CUL5: variants seen among roughly 807,000 people sequenced by gnomAD.
CUL5 encodes the protein cullin 5, also known as cullin-5.
In CUL5, 26 loss-of-function variants were observed where a neutral mutation model predicts 108.8. The ratio of observed to expected loss-of-function variants is 0.24; its 90% CI spans 0.18 to 0.33. The LOEUF (loss-of-function observed/expected upper bound fraction) is 0.33, where lower values mean the gene tolerates loss of function less well. Among genes scored for constraint, CUL5 ranks in the 10% least tolerant of loss-of-function variants. The pLI is 1.00. For missense variants in CUL5, 524 were observed against 909.2 expected, an observed-to-expected ratio of 0.58 and a Z score of 5.45; for synonymous variants, 334 against 298.0, an observed-to-expected ratio of 1.12 and a Z score of -1.25.
intron 11 of CUL5, among the ~76,000 whole-genome samples, chr11:108,087,418 A>C (rs1231248204): frequency 1.3e-5 from 2 of 152,322 alleles, no homozygotes; most frequent in East Asian, 1.9e-4. Flanking sequence ...GAAATTTCAA[A>C]ATCTTCAATT....
At chr11:108,058,245 CTT>C (rs771714382) in intron 7 of CUL5, among the ~76,000 whole-genome samples, 9 of 100,102 alleles carry the variant, frequency 9.0e-5, no homozygotes, top group Admixed American at 3.6e-4. Context: ...TGAAGAGTGC[CTT>C]TTTTTTTTTT....
At chr11:108,035,111 T>C (rs1020634119) in intron 2 of CUL5, among the ~76,000 whole-genome samples, 1 of 152,064 alleles carries the variant, frequency 6.6e-6, no homozygotes, top group African/African-American at 2.4e-5. Context: ...TGTTGCAAAC[T>C]GTAACCAATC....
intron 7 of CUL5, among the ~76,000 whole-genome samples, chr11:108,060,256 A>C (rs1863500666): frequency 6.6e-6 from 1 of 152,176 alleles, no homozygotes; most frequent in South Asian, 2.1e-4. Context: ...TAGTGCCACT[A>C]ATGATAGTAG....
intron 7 of CUL5, among the ~76,000 whole-genome samples, chr11:108,061,599 CTGTT>C (rs1245703158): frequency 3.9e-5 from 6 of 152,134 alleles, no homozygotes; most frequent in African/African-American, 7.2e-5. Context: ...GTTGATCCTT[CTGTT>C]TGTTTTCCTT....
intron 1 of CUL5, among the ~76,000 whole-genome samples, chr11:108,011,338 G>A (rs557193893): frequency 6.6e-6 from 1 of 152,242 alleles, no homozygotes; most frequent in Non-Finnish European, 1.5e-5. Context: ...AGCTACTTTG[G>A]TTCATATTAG....
At chr11:108,009,927 T>C (rs772864814) in intron 1 of CUL5, among the ~76,000 whole-genome samples, 1 of 152,168 alleles carries the variant, frequency 6.6e-6, no homozygotes, top group South Asian at 2.1e-4. Context: ...CATTCTTGAG[T>C]TCATCTTTTT....
intron 1 of CUL5, among the ~76,000 whole-genome samples, chr11:108,011,604 A>AC (rs1488640135): frequency 1.3e-5 from 2 of 152,104 alleles, no homozygotes; most frequent in Non-Finnish European, 2.9e-5. Flanking sequence ...CATAAAAAAA[A>AC]CCACCAGCTT....
At chr11:108,010,152 G>A (rs1247250356) in intron 1 of CUL5, among the ~76,000 whole-genome samples, 1 of 152,250 alleles carries the variant, frequency 6.6e-6, no homozygotes, top group East Asian at 1.9e-4. Flanking sequence ...CTTAGAACTA[G>A]TCTGTTCTGT....
At chr11:108,075,640 A>G (rs1863923399) in intron 10 of CUL5, among the ~76,000 whole-genome samples, 1 of 152,134 alleles carries the variant, frequency 6.6e-6, no homozygotes, top group African/African-American at 2.4e-5. Flanking sequence ...GGCTCAAGCA[A>G]TCCTCCCGCC....
At chr11:108,096,444 C>A (rs1210781459) in intron 16 of CUL5, among the ~76,000 whole-genome samples, 1 of 151,554 alleles carries the variant, frequency 6.6e-6, no homozygotes, top group East Asian at 1.9e-4. Context: ...CACAATCACA[C>A]CACTGCACTC....
chr11:108,061,231 T>G (rs1863524743), intron 7 of CUL5, among the ~76,000 whole-genome samples: 1 of 152,160 alleles, frequency 6.6e-6, no homozygotes, highest in Admixed American at 6.5e-5. Context: ...AAATAACAAG[T>G]TATATATTTA....
At chr11:108,055,521 A>C (rs1252807232) in intron 7 of CUL5, among the ~76,000 whole-genome samples, 3 of 151,432 alleles carry the variant, frequency 2.0e-5, no homozygotes, top group Non-Finnish European at 4.4e-5. Flanking sequence ...GTGCAATTAT[A>C]CCTCACTGTA....
chr11:108,085,424 A>G (rs552009303), intron 11 of CUL5, among the ~76,000 whole-genome samples: 1 of 152,134 alleles, frequency 6.6e-6, no homozygotes, highest in African/African-American at 2.4e-5. Flanking sequence ...GGGGATGGGG[A>G]AGGGGGGGAT....
chr11:108,061,335 A>G (rs1863527260), intron 7 of CUL5, among the ~76,000 whole-genome samples: 1 of 152,236 alleles, frequency 6.6e-6, no homozygotes, highest in Admixed American at 6.5e-5. Context: ...CTCTCTTAGG[A>G]CAAGACTCAT....
chr11:108,018,566 G>T (rs10789650), intron 1 of CUL5, among the ~76,000 whole-genome samples: 147,947 of 151,906 alleles, frequency 0.97, 72,142 homozygotes, highest in Middle Eastern at 1. Context: ...TCCCAGCTAC[G>T]CAGGAGGCTG....
At chr11:108,089,653 T>C (rs1446685984) in intron 13 of CUL5, 30 bp downstream of exon 13, 1 of 1,261,180 alleles carries the variant, frequency 7.9e-7, no homozygotes, top group Non-Finnish European at 1.1e-6. Context: ...TATTTGGTTT[T>C]CTAATACATT....
Position 108,021,554 on chromosome 11 carries a change from A to C in CUL5, c.24+12182A>C, listed in dbSNP as rs570128805. On this transcript the variant is annotated intron_variant, in intron 1 of 18. Transcript: ENST00000393094. ...GACTGGAGTGCAGTGGGATTATCATAGGTCACTGCAGCCTTGAATTCCCGA... is the reference window on the plus strand; with the variant it reads ...GACTGGAGTGCAGTGGGATTATCATCGGTCACTGCAGCCTTGAATTCCCGA... Among the ~76,000 whole-genome samples the C allele has an allele frequency of 2.8e-3, 425 of 152,332 alleles. 4 individuals carry two copies. The highest frequency in any genetic ancestry group is 9.4e-3 in the African/African-American group (390 of 41,574).
chr11:108,059,962 C>A (rs1863494669), intron 7 of CUL5, among the ~76,000 whole-genome samples: 1 of 151,996 alleles, frequency 6.6e-6, no homozygotes, highest in African/African-American at 2.4e-5. Flanking sequence ...CATTTGAGCA[C>A]TGTGCCTGGC....
intron 11 of CUL5, among the ~76,000 whole-genome samples, chr11:108,087,477 G>A (rs1864245918): frequency 6.6e-6 from 1 of 152,094 alleles, no homozygotes; most frequent in African/African-American, 2.4e-5. Context: ...AAAAATAAAT[G>A]TAAGACTTTC....
Sources: allele counts gnomAD v4.1 joint callset (sites outside exome capture counted in the v4.1 genomes callset), GRCh38; gene constraint gnomAD v4.1.1; transcripts MANE v1.5; gene names NCBI Gene and HGNC (gene_info 2026-07-23, HGNC 2026-07-21).